Variants in RFX8 observed in about 807,000 individuals in gnomAD.
The protein encoded by RFX8 is DNA-binding protein RFX8.
RFX8 carries 46 observed loss-of-function variants against 54.6 expected under a neutral mutation model. The ratio of observed to expected loss-of-function variants is 0.84; its 90% CI spans 0.67 to 1.08. The LOEUF is 1.08. Among genes scored for constraint, RFX8 ranks in the 50% least tolerant of loss-of-function variants. RFX8 has a pLI of 0.00. For synonymous variants in RFX8, 192 were observed against 209.5 expected (o/e 0.92, Z 0.72); for missense variants, 536 against 562.3 (o/e 0.95, Z 0.47).
At chr2:101,426,630 A>G (rs1173892077) in intron 2 of RFX8, among the ~76,000 whole-genome samples, 2 of 152,232 alleles carry the variant, frequency 1.3e-5, no homozygotes, top group East Asian at 1.9e-4. Flanking sequence ...TAGGTATATT[A>G]AATGCAGTTT....
At chr2:101,451,570 T>C (rs1038353692) in intron 2 of RFX8, among the ~76,000 whole-genome samples, 2 of 150,794 alleles carry the variant, frequency 1.3e-5, no homozygotes, top group Admixed American at 1.3e-4. Context: ...GCGCCTGTAA[T>C]CCCAGCTACT....
chr2:101,455,317 T>C (rs565716065), intron 2 of RFX8, among the ~76,000 whole-genome samples: 4 of 152,304 alleles, frequency 2.6e-5, no homozygotes, highest in African/African-American at 9.6e-5. Context: ...CTGGCTTGCC[T>C]AGGTTTTCTT....
At chr2:101,449,736 T>G (rs1386400875) in intron 2 of RFX8, among the ~76,000 whole-genome samples, 1 of 151,894 alleles carries the variant, frequency 6.6e-6, no homozygotes, top group Non-Finnish European at 1.5e-5. Context: ...TCAGGAGTCA[T>G]CCACCTGCAG....
chr2:101,421,233 G>C (rs1320299728), intron 4 of RFX8: 4 of 983,382 alleles, frequency 4.1e-6, no homozygotes, highest in African/African-American at 1.7e-5. Flanking sequence ...TCACACTGCA[G>C]AAGATGAAAC....
chr2:101,407,945 G>A (rs894206179), intron 9 of RFX8, among the ~76,000 whole-genome samples: 1 of 152,194 alleles, frequency 6.6e-6, no homozygotes, highest in Non-Finnish European at 1.5e-5. Flanking sequence ...CAAGCCCAAA[G>A]GTGTGCATCT....
chr2:101,403,478 T>C (rs1384542332), intron 10 of RFX8, among the ~76,000 whole-genome samples: 1 of 152,180 alleles, frequency 6.6e-6, no homozygotes, highest in African/African-American at 2.4e-5. Context: ...ACCATGACTC[T>C]TATACAGATA....
At chr2:101,469,879 G>GA (rs987170771) in intron 1 of RFX8, among the ~76,000 whole-genome samples, 4 of 152,170 alleles carry the variant, frequency 2.6e-5, no homozygotes, top group African/African-American at 9.7e-5. Context: ...CACATGGAAA[G>GA]AAAGGGCTGC....
chr2:101,462,477 A>G (rs1292120030), intron 2 of RFX8, among the ~76,000 whole-genome samples: 2 of 152,220 alleles, frequency 1.3e-5, no homozygotes, highest in African/African-American at 4.8e-5. Flanking sequence ...AACTCCCAAA[A>G]TATTTCACAG....
At chr2:101,451,703 A>G (rs1449376149) in intron 2 of RFX8, among the ~76,000 whole-genome samples, 1 of 151,298 alleles carries the variant, frequency 6.6e-6, no homozygotes, top group African/African-American at 2.4e-5. Context: ...AAAAAAAAAA[A>G]AAAGAAAAGT....
At position 101,410,680 on chromosome 2, in the gene RFX8, G is replaced by C; in HGVS notation, c.752C>G (p.Ser251Ter). The stretch of plus-strand genomic sequence containing the variant: ...GCTGAGGAATACCCTGAGATCTGTT[G>C]ATGTTCCCAGCAAAGAAATTAAGTT... Reference protein sequence around the residue: ...LRNLISLLGTSTDLRVFLSCL... With the variant: ...LRNLISLLGT Residue 251 changes from serine (S) to a stop codon, truncating the protein, a stop_gained, in exon 9 of 12, where the codon TCA becomes TGA. Transcript: ENST00000428343. LOFTEE classifies it high-confidence loss of function. The C allele has an allele frequency of 6.5e-7, 1 of 1,544,332 alleles. No individual in the cohort carries two copies. Among genetic ancestry groups the C allele is most frequent in the Middle Eastern group, 1.7e-4 (1 of 5,976 alleles).
chr2:101,452,357 T>G, intron 2 of RFX8: 3 of 1,310,364 alleles, frequency 2.3e-6, no homozygotes, highest in Non-Finnish European at 3.1e-6. Flanking sequence ...TTTTAACATT[T>G]GAAATAAAAC....
chr2:101,451,211 G>C (rs1573457553), intron 2 of RFX8, among the ~76,000 whole-genome samples: 1 of 152,106 alleles, frequency 6.6e-6, no homozygotes, highest in Non-Finnish European at 1.5e-5. Context: ...TATTAGGTTT[G>C]GCAAACACTT....
intron 7 of RFX8, among the ~76,000 whole-genome samples, chr2:101,414,292 G>C (rs1225627027): frequency 6.6e-6 from 1 of 152,022 alleles, no homozygotes; most frequent in African/African-American, 2.4e-5. Context: ...TTTTGAGATG[G>C]AGTCTCGTTT....
intron 2 of RFX8, among the ~76,000 whole-genome samples, chr2:101,462,555 A>C (rs1689340239): frequency 6.6e-6 from 1 of 152,202 alleles, no homozygotes; most frequent in Non-Finnish European, 1.5e-5. Flanking sequence ...GGCAAAAAGA[A>C]TGATAAAAGT....
rs192926489 is a variant in RFX8 at position 101,438,140 on chromosome 2, G to C, written c.73-15668C>G. On this transcript the variant is annotated intron_variant, in intron 2 of 11. Coordinates refer to ENST00000428343, the MANE Select transcript of RFX8 (RefSeq NM_001145664.2). ...AGGCAATGTGTAATAATCACATTGG[G>C]ATAAATGGGGTATCGACCACTTCAA... Among the ~76,000 whole-genome samples the C allele has an allele frequency of 1.6e-4, 24 of 152,174 alleles. 1 individual carries two copies. The East Asian group carries it at 4.6e-3, about 29-fold the overall frequency.
intron 2 of RFX8, among the ~76,000 whole-genome samples, chr2:101,433,892 CTT>C (rs1558865767): frequency 6.6e-6 from 1 of 152,114 alleles, no homozygotes; most frequent in East Asian, 1.9e-4. Context: ...GAGAAGATAT[CTT>C]TGACTTGATG....
In RFX8 at chr2:101,407,427, C is replaced by T. The variant is rs561284335; in HGVS notation, c.814-1370G>A. On this transcript the variant is annotated intron_variant, in intron 9 of 11. Coordinates refer to ENST00000428343, the MANE Select transcript of RFX8 (RefSeq NM_001145664.2). ...AGGGATCCTGCTGGGCACGGTGGCT[C>T]ACGCCTATAATCCCAGCACTTTGAG... 1.1e-3 allele frequency among the ~76,000 whole-genome samples: 171 copies of T among 152,338 alleles called. 1 individual carries two copies. Among genetic ancestry groups the T allele is most frequent in the African/African-American group, 3.7e-3 (152 of 41,572 alleles).
rs1686399653 is a variant in RFX8, at chr2:101,414,891, C to T, written c.524G>A (p.Arg175Lys). The T allele has an allele frequency of 1.9e-6, 3 of 1,550,452 alleles. No homozygotes were observed. In the South Asian group the frequency reaches 3.6e-5, roughly 18 times the overall value. The change falls in exon 7 of 12, where the codon AGA becomes AAA. Residue 175 changes from arginine to lysine, a missense_variant. Coordinates refer to ENST00000428343, the MANE Select transcript of RFX8 (RefSeq NM_001145664.2). ...KLKEVTLFVK[R>K]LRRKTYLSNM... ...GGAAAGGTACGTCTTTCTTCTTAGTCTTTTGACAAATAGAGTAACTTCTGT... is the reference window on the plus strand; with the variant it reads ...GGAAAGGTACGTCTTTCTTCTTAGTTTTTTGACAAATAGAGTAACTTCTGT...
At chr2:101,408,178 G>C (rs1037508277) in intron 9 of RFX8, among the ~76,000 whole-genome samples, 1 of 152,144 alleles carries the variant, frequency 6.6e-6, no homozygotes, top group Non-Finnish European at 1.5e-5. Context: ...GATCTCAGTG[G>C]GTTCATCTGA....
Sources: allele counts gnomAD v4.1 joint callset (sites outside exome capture counted in the v4.1 genomes callset), GRCh38; gene constraint gnomAD v4.1.1; transcripts MANE v1.5; gene names NCBI Gene and HGNC (gene_info 2026-07-23, HGNC 2026-07-21).